Variants in SND1 observed in about 807,000 individuals in gnomAD.
SND1 encodes staphylococcal nuclease domain-containing protein 1.
In SND1, 38 loss-of-function variants were observed where a neutral mutation model predicts 121.7. That is an observed-to-expected ratio of 0.31 (90% CI 0.24 to 0.41). The LOEUF is 0.41. Ranked by LOEUF, SND1 falls within the 10% of genes least tolerant of loss-of-function variation. The pLI is 1.00. For synonymous variants in SND1, 401 were observed against 447.4 expected, an observed-to-expected ratio of 0.90 and a Z score of 1.31; for missense variants, 868 against 1,184.6, an observed-to-expected ratio of 0.73 and a Z score of 3.92.
At chr7:127,860,071 T>C (rs1799348522) in intron 12 of SND1, among the ~76,000 whole-genome samples, 1 of 152,244 alleles carries the variant, frequency 6.6e-6, no homozygotes, top group African/African-American at 2.4e-5. Flanking sequence ...TATTTCTAGC[T>C]CTGCCTCCAG....
intron 1 of SND1, among the ~76,000 whole-genome samples, chr7:127,661,455 C>T (rs1393516827): frequency 6.6e-6 from 1 of 152,176 alleles, no homozygotes; most frequent in Non-Finnish European, 1.5e-5. Flanking sequence ...TCTGTTCTTG[C>T]AATCCTGAGG....
At chr7:127,790,565 T>G (rs1797888996) in intron 10 of SND1, among the ~76,000 whole-genome samples, 1 of 152,190 alleles carries the variant, frequency 6.6e-6, no homozygotes, top group Admixed American at 6.5e-5. Flanking sequence ...CTCTTTTTCT[T>G]CATAAGTAAA....
chr7:127,882,454 G>T lies in SND1; in HGVS notation c.1344-5448G>T, dbSNP rs113550548. 2.8e-3 allele frequency among the ~76,000 whole-genome samples: 410 copies of T among 148,478 alleles called. 1 individual carries two copies. The highest frequency in any genetic ancestry group is 8.9e-3 in the African/African-American group (358 of 40,106). On this transcript the variant is annotated intron_variant, in intron 12 of 23. Coordinates refer to ENST00000354725, the MANE Select transcript of SND1 (RefSeq NM_014390.4). ...GGGAGGGGAGGGGAGGGGAAGAGAG[G>T]GGAGAGGAGAGGAGAGGAATTTAAT...
intron 16 of SND1, among the ~76,000 whole-genome samples, chr7:128,009,068 C>G (rs1019362053): frequency 6.6e-6 from 1 of 152,154 alleles, no homozygotes; most frequent in Admixed American, 6.5e-5. Context: ...AGCTTTGATA[C>G]AGGGCATAAT....
At chr7:128,045,765 C>G (rs1060670) in intron 16 of SND1, among the ~76,000 whole-genome samples, 1 of 152,228 alleles carries the variant, frequency 6.6e-6, no homozygotes, top group East Asian at 1.9e-4. Flanking sequence ...GGTTTTTTCC[C>G]TCTTTCTATG....
At chr7:127,813,847 G>A (rs1463484461) in intron 11 of SND1, among the ~76,000 whole-genome samples, 1 of 152,176 alleles carries the variant, frequency 6.6e-6, no homozygotes, top group African/African-American at 2.4e-5. Context: ...ACAGGTGTAA[G>A]CCACCACGCT....
intron 11 of SND1, among the ~76,000 whole-genome samples, chr7:127,836,677 T>C (rs576473780): frequency 5.0e-4 from 76 of 152,326 alleles, no homozygotes; most frequent in Non-Finnish European, 8.8e-4. Flanking sequence ...TTTTTAATAA[T>C]ATCAGCAATT....
At chr7:127,986,612 G>A (rs1802396691) in intron 15 of SND1, among the ~76,000 whole-genome samples, 1 of 152,180 alleles carries the variant, frequency 6.6e-6, no homozygotes, top group Admixed American at 6.5e-5. Context: ...GTTTTGTTTT[G>A]TTTTGTTTCA....
In SND1 at chr7:127,704,109, G is replaced by T. The variant is rs529061869; in HGVS notation, c.841-730G>T. Among the ~76,000 whole-genome samples the T allele has an allele frequency of 2.4e-3, 366 of 152,318 alleles. 1 individual carries two copies. Among genetic ancestry groups the T allele is most frequent in the Non-Finnish European group, 1.5e-3 (102 of 68,022 alleles). On this transcript the variant is annotated intron_variant, in intron 7 of 23. Transcript: ENST00000354725. ...GTTCTTATAGTTCCGATTCTTGGAT[G>T]TTTTACCTTATTGTGCACTTTGATA... is the stretch of plus-strand genomic sequence containing the variant.
intron 11 of SND1, among the ~76,000 whole-genome samples, chr7:127,826,617 T>C (rs1408537558): frequency 6.6e-6 from 1 of 152,236 alleles, no homozygotes; most frequent in African/African-American, 2.4e-5. Flanking sequence ...GTTTTTTGTT[T>C]CCTGGGGTTT....
At chr7:127,753,613 G>T (rs776844387) in intron 10 of SND1, among the ~76,000 whole-genome samples, 10 of 152,118 alleles carry the variant, frequency 6.6e-5, no homozygotes, top group Non-Finnish European at 1.3e-4. Flanking sequence ...GTGTGTAGTG[G>T]ACCTTTCATT....
At chr7:127,729,188 T>G (rs1056291776) in intron 10 of SND1, among the ~76,000 whole-genome samples, 2 of 152,228 alleles carry the variant, frequency 1.3e-5, no homozygotes, top group African/African-American at 4.8e-5. Context: ...GCACCTCTAC[T>G]CTGATTCAGG....
At chr7:127,863,553 A>G (rs748769394) in intron 12 of SND1, among the ~76,000 whole-genome samples, 3 of 152,202 alleles carry the variant, frequency 2.0e-5, no homozygotes, top group Non-Finnish European at 4.4e-5. Flanking sequence ...ATATGAATTA[A>G]CCAGTGCTAT....
At chr7:127,951,133 A>C (rs1300935811) in intron 15 of SND1, among the ~76,000 whole-genome samples, 1 of 152,214 alleles carries the variant, frequency 6.6e-6, no homozygotes, top group African/African-American at 2.4e-5. Context: ...TCATTGCAGC[A>C]CTTATTCACA....
At chr7:127,857,984 C>CA in intron 12 of SND1, 1 of 1,448,292 alleles carries the variant, frequency 6.9e-7, no homozygotes, top group South Asian at 1.1e-5. Context: ...GTGAAGGGCC[C>CA]ATGCAGCTCG....
chr7:127,665,423 G>A (rs576019586), intron 1 of SND1, among the ~76,000 whole-genome samples: 2 of 152,224 alleles, frequency 1.3e-5, no homozygotes, highest in South Asian at 2.1e-4. Context: ...TCCTGACCTC[G>A]TGATCTGCCC....
intron 1 of SND1, among the ~76,000 whole-genome samples, chr7:127,671,553 G>C (rs1795518516): frequency 6.6e-6 from 1 of 152,154 alleles, no homozygotes; most frequent in Admixed American, 6.5e-5. Context: ...CTGGAGTGCA[G>C]TGGCTCTTCA....
intron 14 of SND1, among the ~76,000 whole-genome samples, chr7:127,906,955 T>G (rs905771036): frequency 3.9e-5 from 6 of 152,192 alleles, no homozygotes; most frequent in Non-Finnish European, 5.9e-5. Flanking sequence ...CCCCTTAAAC[T>G]CTAGCTCAGT....
At chr7:127,939,161 G>C (rs995796721) in intron 15 of SND1, among the ~76,000 whole-genome samples, 2 of 152,198 alleles carry the variant, frequency 1.3e-5, no homozygotes, top group East Asian at 3.8e-4. Context: ...AGAGAGGAGT[G>C]GAGCCAGGTA....
Sources: allele counts gnomAD v4.1 joint callset (sites outside exome capture counted in the v4.1 genomes callset), GRCh38; gene constraint gnomAD v4.1.1; transcripts MANE v1.5; gene names NCBI Gene and HGNC (gene_info 2026-07-23, HGNC 2026-07-21).